The following SPAG17 variants were observed in gnomAD, a reference collection of about 807,000 sequenced individuals.
The protein encoded by SPAG17 is sperm-associated antigen 17.
A neutral mutation model predicts 273.6 loss-of-function variants in SPAG17; 169 were observed. The ratio of observed to expected loss-of-function variants is 0.62; its 90% CI spans 0.55 to 0.70. SPAG17 has a LOEUF of 0.70. Among genes scored for constraint, SPAG17 ranks in the 30% least tolerant of loss-of-function variants. The probability of loss-of-function intolerance (pLI) is 0.00; values close to 1 mark genes in which losing one functional copy is unlikely to be tolerated. For synonymous variants in SPAG17, 825 were observed against 873.2 expected, an observed-to-expected ratio of 0.94 and a Z score of 0.97; for missense variants, 2,557 against 2,627.8, an observed-to-expected ratio of 0.97 and a Z score of 0.59.
intron 43 of SPAG17, among the ~76,000 whole-genome samples, chr1:117,979,517 C>A (rs1453474204): frequency 6.6e-6 from 1 of 152,102 alleles, no homozygotes; most frequent in Non-Finnish European, 1.5e-5. Context: ...TTGCTTCTTC[C>A]TTGCTTGCTC....
chr1:118,012,714 C>T (rs190772443), intron 29 of SPAG17, among the ~76,000 whole-genome samples: 109 of 152,282 alleles, frequency 7.2e-4, no homozygotes, highest in African/African-American at 2.3e-3. Context: ...TTGGAAACTA[C>T]GGAGTAATGA....
At chr1:118,142,980 TC>T (rs1051034916) in intron 3 of SPAG17, among the ~76,000 whole-genome samples, 14 of 152,340 alleles carry the variant, frequency 9.2e-5, no homozygotes, top group African/African-American at 3.1e-4. Flanking sequence ...CATCTTTCTT[TC>T]TTTCATCCTC....
chr1:118,010,801 A>G (rs936094417), intron 30 of SPAG17, among the ~76,000 whole-genome samples: 24 of 152,188 alleles, frequency 1.6e-4, no homozygotes, highest in Non-Finnish European at 2.5e-4. Context: ...GAGAAAATAT[A>G]TACAAACTAT....
Position 117,996,360 on chromosome 1 carries a change from G to A in SPAG17, c.5053+10C>T, listed in dbSNP as rs1293912722. 2 of 1,609,078 alleles carry A rather than the reference G, an allele frequency of 1.2e-6. No individual in the cohort carries two copies. The highest frequency in any genetic ancestry group is 2.2e-5 in the East Asian group (1 of 44,836). On this transcript the variant is annotated intron_variant, in intron 34 of 48. Transcript: ENST00000336338. ...GACACCGTGCATTCCAGACAGTATG[G>A]GTCCTCTACCTGGCTGTTCCTGCAC...
intron 1 of SPAG17, among the ~76,000 whole-genome samples, chr1:118,153,356 C>G (rs992784338): frequency 6.6e-6 from 1 of 152,180 alleles, no homozygotes; most frequent in African/African-American, 2.4e-5. Context: ...TGTTCAAGGT[C>G]ATTTTGGCAG....
chr1:118,052,117 CAT>C (rs1227357111), intron 20 of SPAG17, among the ~76,000 whole-genome samples: 2 of 141,648 alleles, frequency 1.4e-5, no homozygotes, highest in Non-Finnish European at 3.0e-5. Flanking sequence ...TACAATATAA[CAT>C]AATACTATTA....
At chr1:118,148,468 G>A (rs930194145) in intron 3 of SPAG17, among the ~76,000 whole-genome samples, 4 of 152,128 alleles carry the variant, frequency 2.6e-5, no homozygotes, top group African/African-American at 9.7e-5. Flanking sequence ...CCTGCTGATT[G>A]GTCCACTTTA....
At chr1:118,112,993 T>C (rs1329688132) in intron 4 of SPAG17, among the ~76,000 whole-genome samples, 1 of 152,108 alleles carries the variant, frequency 6.6e-6, no homozygotes, top group Non-Finnish European at 1.5e-5. Context: ...CCTTAAAACA[T>C]TAGAACAGGT....
chr1:118,021,293 CTG>C (rs1259022921), intron 28 of SPAG17, among the ~76,000 whole-genome samples: 1 of 152,056 alleles, frequency 6.6e-6, no homozygotes, highest in East Asian at 1.9e-4. Flanking sequence ...GTGAAAGAAC[CTG>C]GTCTAGAAAG....
At chr1:118,010,088 G>A (rs959589916) in intron 30 of SPAG17, among the ~76,000 whole-genome samples, 5 of 152,024 alleles carry the variant, frequency 3.3e-5, no homozygotes, top group African/African-American at 1.2e-4. Flanking sequence ...ATTGGGGTGA[G>A]GAATTGGGGA....
At chr1:118,085,878 A>G (rs758690105) in intron 13 of SPAG17, 44 bp downstream of exon 13, 40 of 1,526,552 alleles carry the variant, frequency 2.6e-5, no homozygotes, top group Non-Finnish European at 3.5e-5. Flanking sequence ...ATATATGACC[A>G]TTAATTAAAT....
chr1:117,986,416 C>T (rs1393005215), intron 40 of SPAG17, among the ~76,000 whole-genome samples: 2 of 152,158 alleles, frequency 1.3e-5, no homozygotes, highest in African/African-American at 4.8e-5. Flanking sequence ...CTTTCTCTTT[C>T]CTTGACCCAG....
At chr1:118,109,548 C>A (rs1385466273) in intron 4 of SPAG17, among the ~76,000 whole-genome samples, 2 of 105,284 alleles carry the variant, frequency 1.9e-5, no homozygotes, top group Non-Finnish European at 3.9e-5. Flanking sequence ...GAGTGAAACT[C>A]TGTCTCAAAA....
chr1:118,008,489 T>C (rs1438130492), intron 30 of SPAG17, among the ~76,000 whole-genome samples: 2 of 152,096 alleles, frequency 1.3e-5, no homozygotes, highest in African/African-American at 2.4e-5. Flanking sequence ...ACTTGAAAAA[T>C]TGAAAAGCAT....
chr1:117,959,524 G>A (rs1230772144), intron 48 of SPAG17: 21 of 1,397,416 alleles, frequency 1.5e-5, no homozygotes, highest in South Asian at 9.6e-5. Flanking sequence ...AAGAGTTGGC[G>A]TCATCTTAAA....
intron 42 of SPAG17, 93 bp from the exon 43 acceptor site, chr1:117,981,494 T>C: frequency 7.4e-7 from 1 of 1,353,106 alleles, no homozygotes; most frequent in Non-Finnish European, 1.0e-6. Flanking sequence ...GAAGAAGGTG[T>C]TTTACAATGA....
At chr1:118,179,850 A>G (rs918400707) in intron 1 of SPAG17, among the ~76,000 whole-genome samples, 1 of 152,116 alleles carries the variant, frequency 6.6e-6, no homozygotes, top group Non-Finnish European at 1.5e-5. Flanking sequence ...GATGCTCAAC[A>G]TCGCTAATCA....
At chr1:118,076,284 A>G (rs1488875511) in intron 15 of SPAG17, 1 of 152,128 alleles carries the variant, frequency 6.6e-6, no homozygotes, top group Non-Finnish European at 1.5e-5. Context: ...GATTGTGCCT[A>G]TGAAGGACAG....
At chr1:118,088,817 T>C (rs1251633606) in intron 10 of SPAG17, among the ~76,000 whole-genome samples, 2 of 152,046 alleles carry the variant, frequency 1.3e-5, no homozygotes, top group Admixed American at 1.3e-4. Flanking sequence ...GAAAGAAAAC[T>C]TAAAAGACAA....
Sources: gnomAD v4.1 joint callset for allele counts (sites outside exome capture counted in the v4.1 genomes callset) on GRCh38, gnomAD v4.1.1 for gene constraint, MANE v1.5 for transcripts, NCBI Gene and HGNC (gene_info 2026-07-23, HGNC 2026-07-21) for gene names.